Variants in PCP4 observed in about 807,000 individuals in gnomAD.
PCP4 encodes Purkinje cell protein 4, also known as calmodulin regulator protein PCP4.
PCP4 carries 8 observed loss-of-function variants against 10.0 expected under a neutral mutation model. That is an observed-to-expected ratio of 0.80 (90% confidence interval 0.47 to 1.45). The LOEUF (loss-of-function observed/expected upper bound fraction) is 1.45, where lower values mean the gene tolerates loss of function less well. PCP4 is among the 40% of genes most tolerant of loss of function. The pLI is 0.00. For missense variants in PCP4, 54 were observed against 74.4 expected, an observed-to-expected ratio of 0.73 and a Z score of 1.01; for synonymous variants, 21 against 23.0, an observed-to-expected ratio of 0.91 and a Z score of 0.24.
intron 1 of PCP4, among the ~76,000 whole-genome samples, chr21:39,877,134 A>G (rs11910758): frequency 1.3e-5 from 2 of 152,154 alleles, no homozygotes; most frequent in Admixed American, 6.5e-5. Context: ...GATACAACCT[A>G]ATTTCTTTTA....
In PCP4 at chr21:39,929,101, C is replaced by T. The variant is rs1393064147; in HGVS notation, c.179C>T (p.Ser60Phe). 1.2e-6 allele frequency: 2 copies of T among 1,613,526 alleles called. No individual in the cohort carries two copies. Among genetic ancestry groups the T allele is most frequent in the Non-Finnish European group, 1.7e-6 (2 of 1,179,682 alleles). Residue 60 changes from serine to phenylalanine, a missense_variant, in exon 3 of 3, where the codon TCT becomes TTT. Ser to Phe is a radical substitution (Grantham distance 155). Coordinates refer to ENST00000328619, the MANE Select transcript of PCP4 (RefSeq NM_006198.3). ...AAATTCCAGAAGAAGAAGGCTGGGT[C>T]TCAGTCCTAGTGGGAGAACCCCCTC... Reference protein sequence around the residue: ...FRKFQKKKAGSQS With the variant: ...FRKFQKKKAGFQS
At chr21:39,907,338 A>G (rs966094788) in intron 2 of PCP4, among the ~76,000 whole-genome samples, 10 of 152,124 alleles carry the variant, frequency 6.6e-5, no homozygotes, top group African/African-American at 2.4e-4. Flanking sequence ...GGGTCACCCA[A>G]GAAAGCTCTC....
chr21:39,874,930 C>T (rs1421506810), intron 1 of PCP4, among the ~76,000 whole-genome samples: 10 of 152,172 alleles, frequency 6.6e-5, no homozygotes, highest in East Asian at 3.9e-4. Context: ...AGTGTGGATA[C>T]GCTGGGCAGA....
intron 1 of PCP4, among the ~76,000 whole-genome samples, chr21:39,885,455 A>G (rs1011865849): frequency 6.6e-6 from 1 of 152,234 alleles, no homozygotes; most frequent in Non-Finnish European, 1.5e-5. Context: ...CGAGAAGGAC[A>G]TCAGGCTGGC....
chr21:39,920,044 TG>T (rs2087587916), intron 2 of PCP4, among the ~76,000 whole-genome samples: 1 of 126,724 alleles, frequency 7.9e-6, no homozygotes, highest in African/African-American at 2.7e-5. Context: ...TATGTATGTG[TG>T]GTGTGTGTGT....
chr21:39,872,747 G>A (rs1313623754), intron 1 of PCP4, among the ~76,000 whole-genome samples: 1 of 152,180 alleles, frequency 6.6e-6, no homozygotes, highest in Non-Finnish European at 1.5e-5. Context: ...GTTTTGGGAT[G>A]TGGATTTATC....
At chr21:39,891,217 C>T (rs993864650) in intron 1 of PCP4, among the ~76,000 whole-genome samples, 1 of 152,218 alleles carries the variant, frequency 6.6e-6, no homozygotes. Context: ...TGTGCTGAGT[C>T]AGACACCTCT....
intron 2 of PCP4, among the ~76,000 whole-genome samples, chr21:39,909,080 T>C (rs1433167727): frequency 6.6e-6 from 1 of 152,160 alleles, no homozygotes; most frequent in Non-Finnish European, 1.5e-5. Flanking sequence ...CCCTTTAATG[T>C]CAAGTACATT....
chr21:39,871,117 A>T, intron 1 of PCP4, among the ~76,000 whole-genome samples: 1 of 152,366 alleles, frequency 6.6e-6, no homozygotes, highest in Admixed American at 6.5e-5. Context: ...CTTGACAGAG[A>T]TTGCAAACGG....
At chr21:39,925,637 T>C (rs1293716990) in intron 2 of PCP4, among the ~76,000 whole-genome samples, 2 of 152,110 alleles carry the variant, frequency 1.3e-5, no homozygotes, top group East Asian at 3.9e-4. Context: ...AGGGGACATA[T>C]TCGGGGAATG....
intron 1 of PCP4, chr21:39,883,605 G>C (rs1173782233): frequency 6.6e-6 from 1 of 152,150 alleles, no homozygotes; most frequent in Admixed American, 6.5e-5. Context: ...AGTATTCTTT[G>C]TTTGGAGTCT....
At chr21:39,900,317 G>C (rs575003153) in intron 2 of PCP4, among the ~76,000 whole-genome samples, 3 of 152,268 alleles carry the variant, frequency 2.0e-5, no homozygotes, top group South Asian at 4.2e-4. Flanking sequence ...TTACAGGTGT[G>C]AGCCACTGCA....
At chr21:39,913,631 C>T (rs927825477) in intron 2 of PCP4, among the ~76,000 whole-genome samples, 1 of 152,190 alleles carries the variant, frequency 6.6e-6, no homozygotes. Context: ...GGACCCATGA[C>T]TGAATGGAGA....
chr21:39,875,261 GT>G (rs11437083), intron 1 of PCP4, among the ~76,000 whole-genome samples: 9 of 149,714 alleles, frequency 6.0e-5, no homozygotes, highest in Admixed American at 4.7e-4. Flanking sequence ...TTTTCTCACA[GT>G]TTTTTTTTTG....
At chr21:39,884,069 G>A (rs2087388513) in intron 1 of PCP4, among the ~76,000 whole-genome samples, 1 of 152,088 alleles carries the variant, frequency 6.6e-6, no homozygotes, top group Admixed American at 6.6e-5. Context: ...CTGGGTAGTT[G>A]GATTCCAGCA....
intron 2 of PCP4, among the ~76,000 whole-genome samples, chr21:39,918,121 T>G (rs1199230984): frequency 6.6e-6 from 1 of 152,232 alleles, no homozygotes; most frequent in Non-Finnish European, 1.5e-5. Flanking sequence ...TGTGATACTT[T>G]GTCATGATAG....
intron 2 of PCP4, among the ~76,000 whole-genome samples, chr21:39,917,741 A>T (rs1433283751): frequency 2.6e-5 from 4 of 152,094 alleles, no homozygotes; most frequent in African/African-American, 4.8e-5. Context: ...TTTCTTGAAA[A>T]TGTAGGCATT....
intron 2 of PCP4, among the ~76,000 whole-genome samples, chr21:39,905,380 TA>T: frequency 6.6e-6 from 1 of 152,330 alleles, no homozygotes; most frequent in Middle Eastern, 3.4e-3. Flanking sequence ...CTGCTTCTGA[TA>T]TTGATCCAGA....
intron 1 of PCP4, among the ~76,000 whole-genome samples, chr21:39,895,042 T>C (rs1016253551): frequency 2.0e-5 from 3 of 152,028 alleles, no homozygotes; most frequent in African/African-American, 7.2e-5. Context: ...TGTTCATCTA[T>C]CCATCCATCC....
Sources: gnomAD v4.1 joint callset for allele counts (sites outside exome capture counted in the v4.1 genomes callset) on GRCh38, gnomAD v4.1.1 for gene constraint, MANE v1.5 for transcripts, NCBI Gene and HGNC (gene_info 2026-07-23, HGNC 2026-07-21) for gene names.